FREM1: variants seen among roughly 807,000 people sequenced by gnomAD.
The protein encoded by FREM1 is FRAS1-related extracellular matrix protein 1.
A neutral mutation model predicts 210.1 loss-of-function variants in FREM1; 220 were observed. The ratio of observed to expected loss-of-function variants is 1.05; its 90% CI spans 0.94 to 1.17. The LOEUF (loss-of-function observed/expected upper bound fraction) is 1.17. Ranked by LOEUF, FREM1 falls within the 50% of genes most tolerant of loss-of-function variation. FREM1 has a pLI of 0.00. For missense variants in FREM1, 3,454 were observed against 2,675.5 expected (o/e 1.29, Z -6.42); for synonymous variants, 1,189 against 980.2 (o/e 1.21, Z -3.98).
At chr9:14,878,121 C>A (rs1428601136) in intron 1 of FREM1, among the ~76,000 whole-genome samples, 1 of 152,134 alleles carries the variant, frequency 6.6e-6, no homozygotes, top group African/African-American at 2.4e-5. Flanking sequence ...GTTACTTATA[C>A]CATGTCACTG....
At chr9:14,888,826 A>T (rs1836271061) in intron 1 of FREM1, among the ~76,000 whole-genome samples, 1 of 152,228 alleles carries the variant, frequency 6.6e-6, no homozygotes, top group Admixed American at 6.5e-5. Flanking sequence ...TTCATTTATC[A>T]ATGTATTTGC....
chr9:14,770,797 A>T lies in FREM1; in HGVS notation c.4867T>A (p.Leu1623Met). ...GTGATACGAGGAGCTGTTTTGTCCA[A>T]TTGGTCTACCTGGATCATCAACAAT... is the stretch of plus-strand genomic sequence containing the variant. ...PVLFTIQVDQ[L>M]DKTAPRITLL... Residue 1623 changes from leucine (L) to methionine (M), a missense_variant, in exon 26 of 37, where the codon TTG becomes ATG. Leu to Met is a conservative substitution (Grantham distance 15). Coordinates refer to ENST00000380880, the MANE Select transcript of FREM1 (RefSeq NM_001379081.2). 1.2e-6 allele frequency: 2 copies of T among 1,611,364 alleles called. No individual in the cohort carries two copies. Among genetic ancestry groups the T allele is most frequent in the Non-Finnish European group, 1.7e-6 (2 of 1,178,606 alleles).
chr9:14,861,088 CAT>C (rs749983672), intron 3 of FREM1, among the ~76,000 whole-genome samples: 6,377 of 85,624 alleles, frequency 0.074, 637 homozygotes, highest in Non-Finnish European at 0.1. Context: ...CATATATACA[CAT>C]ATATATAAAC....
At chr9:14,872,363 C>A (rs141503774) in intron 1 of FREM1, among the ~76,000 whole-genome samples, 1 of 152,084 alleles carries the variant, frequency 6.6e-6, no homozygotes, top group Non-Finnish European at 1.5e-5. Context: ...GTTTGTAGTT[C>A]TCCTTGAAGA....
chr9:14,809,865 G>T (rs890310792), intron 16 of FREM1, among the ~76,000 whole-genome samples: 1 of 144,220 alleles, frequency 6.9e-6, no homozygotes, highest in Non-Finnish European at 1.5e-5. Context: ...ATGCAGTGTG[G>T]TTAGAATAGC....
chr9:14,785,575 C>T lies in FREM1; in HGVS notation c.4178-941G>A, dbSNP rs924740674. Among the ~76,000 whole-genome samples the T allele has an allele frequency of 2.6e-5, 4 of 152,162 alleles. No homozygotes were observed. In the South Asian group the frequency reaches 6.2e-4, roughly 24 times the overall value. Reference sequence around the variant, plus strand: ...AGATGAGTGGATAAACAAAATGTGGCATATACATACACTGTAATACCATTC... The same window carrying T: ...AGATGAGTGGATAAACAAAATGTGGTATATACATACACTGTAATACCATTC... On this transcript the variant is annotated intron_variant, in intron 23 of 36. Transcript: ENST00000380880.
chr9:14,779,869 A>G (rs573632005), intron 24 of FREM1, among the ~76,000 whole-genome samples: 7 of 152,338 alleles, frequency 4.6e-5, no homozygotes, highest in Admixed American at 4.6e-4. Flanking sequence ...ATTTCTAAAC[A>G]TGACTGGATC....
chr9:14,892,377 C>T (rs1289884296), intron 1 of FREM1, among the ~76,000 whole-genome samples: 1 of 152,066 alleles, frequency 6.6e-6, no homozygotes, highest in Non-Finnish European at 1.5e-5. Context: ...AGAAGCCCAA[C>T]TAAGGAGAGT....
chr9:14,860,936 CACACATAT>C lies in FREM1; in HGVS notation c.330-1460_330-1453del, dbSNP rs1401791458. ...ACATATACACATATATACACATATA[CACACATAT>C]ACACATATACACATATATACACATA... On this transcript the variant is annotated intron_variant, in intron 3 of 36. Transcript: ENST00000380880. 1.5e-4 allele frequency among the ~76,000 whole-genome samples: 11 copies of C among 73,448 alleles called. 2 individuals carry two copies. The highest frequency in any genetic ancestry group is 3.5e-4 in the South Asian group (1 of 2,874). The allele number at this position is 73,448 out of a possible 152,430, so 48.2% of individuals were successfully genotyped here. A position where few individuals can be genotyped will look rare whatever the true frequency, so the allele number is the denominator to read the frequency against.
At position 14,747,002 on chromosome 9, in the gene FREM1, A is replaced by G. The variant is rs924536193; in HGVS notation, c.6059T>C (p.Leu2020Pro). Residue 2020 changes from leucine (L) to proline (P), a missense_variant, in exon 34 of 37, where the codon CTC becomes CCC. Physicochemically the swap from Leu to Pro is moderately conservative, Grantham distance 98. Transcript: ENST00000380880. ...PKNCTLELKG[L>P]FHFEEGIQKL... is the part of the protein sequence containing the mutation. ...CTGGATGCCTTCTTCAAAATGGAAG[A>G]GTCCCTTTAATTCCAGAGTGCAGTT... 17 of 1,613,124 alleles carry G rather than the reference A, an allele frequency of 1.1e-5. No homozygotes were observed. Among genetic ancestry groups the G allele is most frequent in the Non-Finnish European group, 1.4e-5 (17 of 1,179,612 alleles).
At chr9:14,867,634 C>CT (rs1391890139) in intron 2 of FREM1, among the ~76,000 whole-genome samples, 4 of 152,172 alleles carry the variant, frequency 2.6e-5, no homozygotes, top group African/African-American at 7.2e-5. Context: ...CCATCTAAGT[C>CT]TTTTTTTCTC....
chr9:14,860,476 T>C (rs1341101144), intron 3 of FREM1, among the ~76,000 whole-genome samples: 1 of 151,472 alleles, frequency 6.6e-6, no homozygotes, highest in Non-Finnish European at 1.5e-5. Flanking sequence ...ATTCATCAGC[T>C]TTTTTTCTTT....
In FREM1 at chr9:14,861,116, TATACATATATACAC is replaced by T. The variant is rs1564105875; in HGVS notation, c.330-1646_330-1633del. On this transcript the variant is annotated intron_variant, in intron 3 of 36. Coordinates refer to ENST00000380880, the MANE Select transcript of FREM1 (RefSeq NM_001379081.2). ...ATATATAAACATATATACACATATA[TATACATATATACAC>T]ATATATACATATATACACATATATA... is the stretch of plus-strand genomic sequence containing the variant. Among the ~76,000 whole-genome samples, 60 of 106,956 alleles carry T rather than the reference TATACATATATACAC, an allele frequency of 5.6e-4. 1 individual carries two copies. Among genetic ancestry groups the T allele is most frequent in the Middle Eastern group, 6.3e-3 (1 of 158 alleles). The allele number at this position is 106,956 out of a possible 152,430, so 70.2% of individuals were successfully genotyped here. A position where few individuals can be genotyped will look rare whatever the true frequency, so the allele number is the denominator to read the frequency against.
At chr9:14,885,048 C>T (rs569742806) in intron 1 of FREM1, among the ~76,000 whole-genome samples, 1 of 143,654 alleles carries the variant, frequency 7.0e-6, no homozygotes, top group Admixed American at 7.0e-5. Context: ...CCTCAGCCCC[C>T]CGAGTGGCTG....
intron 3 of FREM1, among the ~76,000 whole-genome samples, chr9:14,860,436 A>T (rs1829595470): frequency 6.6e-6 from 1 of 151,890 alleles, no homozygotes; most frequent in African/African-American, 2.4e-5. Flanking sequence ...AGCAGCCTAG[A>T]AACCCAAGGA....
intron 10 of FREM1, among the ~76,000 whole-genome samples, chr9:14,826,987 C>G (rs749168606): frequency 6.6e-6 from 1 of 152,170 alleles, no homozygotes; most frequent in Non-Finnish European, 1.5e-5. Context: ...TTTGCCATAG[C>G]AGCACAAATG....
chr9:14,792,139 A>G (rs1001003162), intron 22 of FREM1, among the ~76,000 whole-genome samples: 3 of 152,174 alleles, frequency 2.0e-5, no homozygotes, highest in African/African-American at 7.2e-5. Flanking sequence ...TAACAGAGAC[A>G]TTAGGGCCAG....
intron 22 of FREM1, among the ~76,000 whole-genome samples, chr9:14,789,915 G>A (rs765749703): frequency 6.6e-6 from 1 of 151,948 alleles, no homozygotes; most frequent in Non-Finnish European, 1.5e-5. Context: ...TTCATTTAAG[G>A]TACATAGCTT....
At chr9:14,908,616 C>A (rs1285528976) in intron 1 of FREM1, among the ~76,000 whole-genome samples, 2 of 152,112 alleles carry the variant, frequency 1.3e-5, no homozygotes, top group Admixed American at 1.3e-4. Flanking sequence ...GCCAAGCATG[C>A]AAAACCATGT....
Sources: gnomAD v4.1 joint callset for allele counts (sites outside exome capture counted in the v4.1 genomes callset) on GRCh38, gnomAD v4.1.1 for gene constraint, MANE v1.5 for transcripts, NCBI Gene and HGNC (gene_info 2026-07-23, HGNC 2026-07-21) for gene names.